Variants in KIRREL3 observed in about 807,000 individuals in gnomAD.
KIRREL3 encodes kin of IRRE-like protein 3.
KIRREL3 carries 36 observed loss-of-function variants against 89.7 expected under a neutral mutation model. The observed-to-expected ratio is 0.40, with a 90% CI of 0.31 to 0.53. KIRREL3 has a LOEUF of 0.53. Among genes scored for constraint, KIRREL3 ranks in the 20% least tolerant of loss-of-function variants. KIRREL3 has a pLI of 0.49. For synonymous variants in KIRREL3, 445 were observed against 441.4 expected, an observed-to-expected ratio of 1.01 and a Z score of -0.10; for missense variants, 864 against 1,056.6, an observed-to-expected ratio of 0.82 and a Z score of 2.53.
chr11:126,764,753 G>T lies in KIRREL3; in HGVS notation c.56-201841C>A, dbSNP rs542880973. Among the ~76,000 whole-genome samples the T allele has an allele frequency of 1.3e-5, 2 of 152,014 alleles. No individual in the cohort carries two copies. The highest frequency in any genetic ancestry group is 3.9e-4 in the East Asian group (2 of 5,174). On this transcript the variant is annotated intron_variant, in intron 1 of 16. Coordinates refer to ENST00000525144, the MANE Select transcript of KIRREL3 (RefSeq NM_032531.4). The surrounding 1 kb of genome is among the most constrained non-coding windows in gnomAD (Gnocchi z 4.2). The stretch of plus-strand genomic sequence containing the variant: ...GTGGAACATACTATCCAGCTTCTTA[G>T]GGCCTGTGCTGTAAGCCTCCGGGGC...
rs1339068760 is a variant in KIRREL3, at chr11:126,429,019, T to C, written c.1806+160A>G. Among the ~76,000 whole-genome samples the C allele has an allele frequency of 6.6e-6, 1 of 152,192 alleles. No individual in the cohort carries two copies. The highest frequency in any genetic ancestry group is 2.4e-5 in the African/African-American group (1 of 41,454). On this transcript the variant is annotated intron_variant, in intron 15 of 16. Transcript: ENST00000525144. This position sits in a 1 kb window ranked among gnomAD's most constrained non-coding sequence, Gnocchi z 5.2. ...TACAGCAGGCACACACTCACATTTG[T>C]TGGCTGAGAGTGTGTGCCTCACCTA...
intron 1 of KIRREL3, among the ~76,000 whole-genome samples, chr11:126,787,599 T>C (rs1950520763): frequency 6.6e-6 from 1 of 152,216 alleles, no homozygotes; most frequent in Admixed American, 6.5e-5. Context: ...TTTTAATGAA[T>C]GTAAATGTTC....
chr11:126,845,223 G>A (rs1056772712), intron 1 of KIRREL3, among the ~76,000 whole-genome samples: 1 of 152,142 alleles, frequency 6.6e-6, no homozygotes, highest in Non-Finnish European at 1.5e-5. Context: ...TTGCAGCTTG[G>A]CACCCAGGGC....
At chr11:126,784,923 T>C (rs921507088) in intron 1 of KIRREL3, among the ~76,000 whole-genome samples, 7 of 152,214 alleles carry the variant, frequency 4.6e-5, no homozygotes, top group South Asian at 2.1e-4. Flanking sequence ...TGAACATCCA[T>C]GATCAGTGAA....
rs7933321 is a variant in KIRREL3 at position 126,520,192 on chromosome 11, T to C, written c.433+1123A>G. 0.28 allele frequency among the ~76,000 whole-genome samples: 43,062 copies of C among 152,152 alleles called. 7,504 individuals are homozygous for C. Among genetic ancestry groups the C allele is most frequent in the African/African-American group, 0.49 (20,131 of 41,490 alleles). ...TTTAAATATTTCATCTCTGAGCAGC[T>C]GTGTGCTTTAGCTGCCAGGAGAGGA... On this transcript the variant is annotated intron_variant, in intron 4 of 16. Transcript: ENST00000525144. The surrounding 1 kb of genome is among the most constrained non-coding windows in gnomAD (Gnocchi z 4.9).
At position 126,870,535 on chromosome 11, in the gene KIRREL3, C is replaced by T. The variant is rs1945074341; in HGVS notation, c.55+129920G>A. Among the ~76,000 whole-genome samples, 2 of 152,242 alleles carry T rather than the reference C, an allele frequency of 1.3e-5. No homozygotes were observed. Among genetic ancestry groups the T allele is most frequent in the Non-Finnish European group, 2.9e-5 (2 of 68,048 alleles). ...AGGTAAAAGGCTCAGTAGAATGCAGCTTCCTGGCCCGGCTCCCATAGTGGC... is the reference window on the plus strand; with the variant it reads ...AGGTAAAAGGCTCAGTAGAATGCAGTTTCCTGGCCCGGCTCCCATAGTGGC... On this transcript the variant is annotated intron_variant, in intron 1 of 16. Transcript: ENST00000525144. This position sits in a 1 kb window ranked among gnomAD's most constrained non-coding sequence, Gnocchi z 4.4.
chr11:126,604,735 C>G (rs574380656), intron 1 of KIRREL3, among the ~76,000 whole-genome samples: 1 of 152,186 alleles, frequency 6.6e-6, no homozygotes, highest in African/African-American at 2.4e-5. Flanking sequence ...TCTAAACAAG[C>G]GTGTCTGAGC....
intron 1 of KIRREL3, among the ~76,000 whole-genome samples, chr11:126,861,270 GGTTA>G (rs1294959508): frequency 6.6e-6 from 1 of 152,140 alleles, no homozygotes; most frequent in African/African-American, 2.4e-5. Context: ...GCAGCCCAGA[GGTTA>G]GTAACAGTAG....
chr11:126,960,792 G>T (rs146863840), intron 1 of KIRREL3, among the ~76,000 whole-genome samples: 2 of 151,432 alleles, frequency 1.3e-5, no homozygotes, highest in Admixed American at 6.6e-5. Context: ...ATTGTTCTTC[G>T]CAGACATTGC....
At chr11:126,793,493 C>A (rs1950709530) in intron 1 of KIRREL3, among the ~76,000 whole-genome samples, 1 of 152,132 alleles carries the variant, frequency 6.6e-6, no homozygotes, top group Non-Finnish European at 1.5e-5. Flanking sequence ...CAGATGATAA[C>A]AGGTGCACCA....
rs34828983 is a variant in KIRREL3, at chr11:126,744,876, TA to T, written c.56-181965del. The stretch of plus-strand genomic sequence containing the variant: ...ATTGTGTCTGCCACATAGTAAGTGC[TA>T]AAAAAAAAAAAAAAGGTGGGAAAAG... On this transcript the variant is annotated intron_variant, in intron 1 of 16. Transcript: ENST00000525144. This position sits in a 1 kb window ranked among gnomAD's most constrained non-coding sequence, Gnocchi z 4.7. Among the ~76,000 whole-genome samples, 120,699 of 143,604 alleles carry T rather than the reference TA, an allele frequency of 0.84. 50,546 individuals carry two copies. Among genetic ancestry groups the T allele is most frequent in the East Asian group, 0.98 (4,792 of 4,904 alleles). 94.2% of individuals were successfully genotyped at this position (143,604 alleles called of 152,430 possible).
At chr11:126,654,768 T>C (rs1481718513) in intron 1 of KIRREL3, among the ~76,000 whole-genome samples, 1 of 152,236 alleles carries the variant, frequency 6.6e-6, no homozygotes, top group Non-Finnish European at 1.5e-5. Context: ...TTTTCTACAC[T>C]GCTTCAATGC....
At position 126,897,471 on chromosome 11, in the gene KIRREL3, C is replaced by T. The variant is rs1234517854; in HGVS notation, c.55+102984G>A. 6.6e-6 allele frequency among the ~76,000 whole-genome samples: 1 copy of T among 152,114 alleles called. No individual in the cohort carries two copies. The highest frequency in any genetic ancestry group is 1.5e-5 in the Non-Finnish European group (1 of 68,024). On this transcript the variant is annotated intron_variant, in intron 1 of 16. Coordinates refer to ENST00000525144, the MANE Select transcript of KIRREL3 (RefSeq NM_032531.4). The surrounding 1 kb of genome is among the most constrained non-coding windows in gnomAD (Gnocchi z 4.2). ...AGAACAGTCCATCATGAACTTGGAC[C>T]TTTGTCACTCACCTGTCAACCCCAT...
intron 4 of KIRREL3, among the ~76,000 whole-genome samples, chr11:126,483,403 T>A (rs887699381): frequency 1.3e-5 from 2 of 152,238 alleles, no homozygotes; most frequent in Non-Finnish European, 2.9e-5. Context: ...GGGTGTCAGC[T>A]GCAAACCTTG....
In KIRREL3 at chr11:126,474,841, C is replaced by T. The variant is rs1038423953; in HGVS notation, c.434-1375G>A. 1.3e-5 allele frequency among the ~76,000 whole-genome samples: 2 copies of T among 152,186 alleles called. No homozygotes were observed. Among genetic ancestry groups the T allele is most frequent in the African/African-American group, 4.8e-5 (2 of 41,436 alleles). ...GGATGATCATGGTTTGGAGGAGAGGCCCAGAAATCTGAAGTACCTTGCCTA... is the reference window on the plus strand; with the variant it reads ...GGATGATCATGGTTTGGAGGAGAGGTCCAGAAATCTGAAGTACCTTGCCTA... On this transcript the variant is annotated intron_variant, in intron 4 of 16. Coordinates refer to ENST00000525144, the MANE Select transcript of KIRREL3 (RefSeq NM_032531.4). The surrounding 1 kb of genome is among the most constrained non-coding windows in gnomAD (Gnocchi z 6.7).
chr11:126,688,721 T>C (rs910498273), intron 1 of KIRREL3, among the ~76,000 whole-genome samples: 1 of 152,192 alleles, frequency 6.6e-6, no homozygotes, highest in Non-Finnish European at 1.5e-5. Flanking sequence ...GCAGTGTGTA[T>C]TTTATAAGCC....
Position 126,463,581 on chromosome 11 carries a change from C to T in KIRREL3, c.592-274G>A, listed in dbSNP as rs934335224. ...AGCCTGGATTCACATGCTAAAAGCA[C>T]AAAAGAAAGCAGGATGGGTTTCATG... On this transcript the variant is annotated intron_variant, in intron 5 of 16. Coordinates refer to ENST00000525144, the MANE Select transcript of KIRREL3 (RefSeq NM_032531.4). This position sits in a 1 kb window ranked among gnomAD's most constrained non-coding sequence, Gnocchi z 5.9. Among the ~76,000 whole-genome samples, 5 of 152,204 alleles carry T rather than the reference C, an allele frequency of 3.3e-5. No individual in the cohort carries two copies. Among genetic ancestry groups the T allele is most frequent in the Non-Finnish European group, 7.3e-5 (5 of 68,040 alleles).
In KIRREL3 at chr11:126,870,651, C is replaced by A. The variant is rs1413981720; in HGVS notation, c.55+129804G>T. Among the ~76,000 whole-genome samples, 1 of 152,180 alleles carries A rather than the reference C, an allele frequency of 6.6e-6. No individual in the cohort carries two copies. Among genetic ancestry groups the A allele is most frequent in the African/African-American group, 2.4e-5 (1 of 41,436 alleles). On this transcript the variant is annotated intron_variant, in intron 1 of 16. Transcript: ENST00000525144. The surrounding 1 kb of genome is among the most constrained non-coding windows in gnomAD (Gnocchi z 4.4). ...GCTCCCTCCAACCTCGTTTCCAATT[C>A]CACTCATGGCCGCCATCTATTTGCA...
chr11:126,752,125 AAT>A lies in KIRREL3; in HGVS notation c.56-189215_56-189214del, dbSNP rs1317873596. On this transcript the variant is annotated intron_variant, in intron 1 of 16. Coordinates refer to ENST00000525144, the MANE Select transcript of KIRREL3 (RefSeq NM_032531.4). This position sits in a 1 kb window ranked among gnomAD's most constrained non-coding sequence, Gnocchi z 4.8. ...AGCTTTTTCTTTGCAAAATAGGAAC[AAT>A]GATGATACCTGTCCCTGAGTTATGA... 6.6e-6 allele frequency among the ~76,000 whole-genome samples: 1 copy of A among 152,210 alleles called. No individual in the cohort carries two copies. The highest frequency in any genetic ancestry group is 2.1e-4 in the South Asian group (1 of 4,826).
Sources: gnomAD v4.1 joint callset for allele counts (sites outside exome capture counted in the v4.1 genomes callset) on GRCh38, gnomAD v4.1.1 for gene constraint, Gnocchi (gnomAD v3.1) non-coding constraint, MANE v1.5 for transcripts, NCBI Gene and HGNC (gene_info 2026-07-23, HGNC 2026-07-21) for gene names.